Variants in DGKD observed in about 807,000 individuals in gnomAD.
DGKD encodes the protein DAG kinase delta.
In DGKD, 68 loss-of-function variants were observed where a neutral mutation model predicts 154.4. That is an observed-to-expected ratio of 0.44 (90% CI 0.36 to 0.54). DGKD has a LOEUF of 0.54. Ranked by LOEUF, DGKD falls within the 20% of genes least tolerant of loss-of-function variation. The pLI, the probability that DGKD is intolerant of heterozygous loss-of-function variation, is 0.00. For synonymous variants in DGKD, 693 were observed against 638.0 expected (o/e 1.09, Z -1.30); for missense variants, 1,343 against 1,593.6 (o/e 0.84, Z 2.68).
At position 233,438,237 on chromosome 2, in the gene DGKD, C is replaced by T; in HGVS notation, c.943C>T (p.Pro315Ser). ...DSDGFWKASC[P>S]PSCTSPLLVF... ...TCCAGGGTTCTGGAAGGCCAGCTGT[C>T]CTCCTTCTTGCACAAGCCCACTGTT... is the stretch of plus-strand genomic sequence containing the variant. Residue 315 changes from proline (P) to serine (S), a missense_variant, in exon 9 of 30, where the codon CCT becomes TCT. By Grantham distance (74) the Pro-to-Ser change is moderately conservative (BLOSUM62 -1). This residue lies in a region of DGKD where 332 missense variants were observed against 400.1 expected (regional missense o/e 0.83). Transcript: ENST00000264057. This position sits in a 1 kb window ranked among gnomAD's most constrained non-coding sequence, Gnocchi z 4.1. The T allele has an allele frequency of 6.2e-7, 1 of 1,614,084 alleles. No individual in the cohort carries two copies. The highest frequency in any genetic ancestry group is 8.5e-7 in the Non-Finnish European group (1 of 1,179,992).
At position 233,457,595 on chromosome 2, in the gene DGKD, G is replaced by A. The variant is rs2063500887; in HGVS notation, c.2580+267G>A. On this transcript the variant is annotated intron_variant, in intron 21 of 29. Coordinates refer to ENST00000264057, the MANE Select transcript of DGKD (RefSeq NM_152879.3). The surrounding 1 kb of genome is among the most constrained non-coding windows in gnomAD (Gnocchi z 5.5). ...GGTGTGACGTGGAAGGAGGGTCAGGGAAGGTGTCTGGGAGGCCAAGACCTG... is the reference window on the plus strand; with the variant it reads ...GGTGTGACGTGGAAGGAGGGTCAGGAAAGGTGTCTGGGAGGCCAAGACCTG... 1 of 585,954 alleles carries A rather than the reference G, an allele frequency of 1.7e-6. No individual in the cohort carries two copies. Among genetic ancestry groups the A allele is most frequent in the African/African-American group, 1.8e-5 (1 of 54,388 alleles). 36.3% of individuals were successfully genotyped at this position (585,954 alleles called of 1,614,324 possible). A position where few individuals can be genotyped will look rare whatever the true frequency, so the allele number is the denominator to read the frequency against.
At chr2:233,361,775 G>A (rs1701792487) in intron 1 of DGKD, among the ~76,000 whole-genome samples, 1 of 152,076 alleles carries the variant, frequency 6.6e-6, no homozygotes, top group South Asian at 2.1e-4. Flanking sequence ...GCAAGATCCC[G>A]CCTCTACTAA....
At chr2:233,456,823 G>A (rs1575160516) in intron 19 of DGKD, 76 bp from the exon 20 acceptor site, 1 of 1,136,070 alleles carries the variant, frequency 8.8e-7, no homozygotes, top group Non-Finnish European at 1.3e-6. Flanking sequence ...GCTGTTCCCA[G>A]CTTTCACAGA....
chr2:233,438,962 G>A lies in DGKD; in HGVS notation c.1085+583G>A, dbSNP rs114252592. 5.7e-3 allele frequency among the ~76,000 whole-genome samples: 867 copies of A among 152,376 alleles called. 10 individuals are homozygous for A. The highest frequency in any genetic ancestry group is 0.019 in the African/African-American group (810 of 41,588). On this transcript the variant is annotated intron_variant, in intron 9 of 29. Coordinates refer to ENST00000264057, the MANE Select transcript of DGKD (RefSeq NM_152879.3). The surrounding 1 kb of genome is among the most constrained non-coding windows in gnomAD (Gnocchi z 4.1). Reference sequence around the variant, plus strand: ...TGCAGGTGCTGCAAGGCAGGAACACGTAAGGGCGGCGTTGGGCCAGAGCGA... The same window carrying A: ...TGCAGGTGCTGCAAGGCAGGAACACATAAGGGCGGCGTTGGGCCAGAGCGA...
chr2:233,367,529 G>A (rs952749320), intron 1 of DGKD, among the ~76,000 whole-genome samples: 17 of 151,672 alleles, frequency 1.1e-4, no homozygotes, highest in Non-Finnish European at 1.2e-4. Flanking sequence ...GCACCCAGCT[G>A]TATTAATGAC....
chr2:233,390,559 A>C, intron 3 of DGKD, 76 bp downstream of exon 3: 1 of 1,100,168 alleles, frequency 9.1e-7, no homozygotes. Flanking sequence ...CATGTGTCCA[A>C]GCAGTTCAAA....
Position 233,388,291 on chromosome 2 carries a change from AC to A in DGKD, c.192del (p.Asn64LysfsTer35). On this transcript the variant is annotated frameshift_variant, in exon 2 of 30. Transcript: ENST00000264057. LOFTEE classifies it high-confidence loss of function. ...AAAGAGGGGATGCTGACCAAACAGA[AC>A]AATTCATTCCAGCGATCAAAAAGGA... Reference protein sequence around the residue: ...IIKEGMLTKQNNSFQRSKRRY... With the variant: ...IIKEGMLTKQXNSFQRSKRRY... The A allele has an allele frequency of 6.2e-7, 1 of 1,614,168 alleles. No individual in the cohort carries two copies. The highest frequency in any genetic ancestry group is 8.5e-7 in the Non-Finnish European group (1 of 1,180,026).
At chr2:233,411,690 GT>G (rs2061835205) in intron 3 of DGKD, among the ~76,000 whole-genome samples, 1 of 152,078 alleles carries the variant, frequency 6.6e-6, no homozygotes, top group African/African-American at 2.4e-5. Flanking sequence ...CAACTTATCA[GT>G]TTTTTAAATG....
intron 18 of DGKD, chr2:233,454,277 G>A (rs2063382858): frequency 4.6e-6 from 2 of 432,232 alleles, no homozygotes; most frequent in Admixed American, 5.6e-5. Context: ...CCACGCAGTG[G>A]AGTATTATTT....
Position 233,457,307 on chromosome 2 carries a change from G to T in DGKD, c.2559G>T (p.Trp853Cys), listed in dbSNP as rs373144975. ...IPSYAGGTNF[W>C]GGTKEDDTFA... The stretch of plus-strand genomic sequence containing the variant: ...GCTATGCCGGAGGAACCAACTTCTG[G>T]GGGGGTACCAAGGAAGATGATGTAT... The change falls in exon 21 of 30, where the codon TGG becomes TGT. Residue 853 changes from tryptophan (W) to cysteine (C), a missense_variant. Physicochemically the swap from Trp to Cys is radical, Grantham distance 215. Coordinates refer to ENST00000264057, the MANE Select transcript of DGKD (RefSeq NM_152879.3). This position sits in a 1 kb window ranked among gnomAD's most constrained non-coding sequence, Gnocchi z 5.5. 1.3e-6 allele frequency: 2 copies of T among 1,537,088 alleles called. No individual in the cohort carries two copies. The highest frequency in any genetic ancestry group is 1.8e-6 in the Non-Finnish European group (2 of 1,141,068).
At position 233,388,361 on chromosome 2, in the gene DGKD, G is replaced by A. The variant is rs370379069; in HGVS notation, c.261G>A (p.Thr87=). 275 of 1,612,598 alleles carry A rather than the reference G, an allele frequency of 1.7e-4. No homozygotes were observed. Among genetic ancestry groups the A allele is most frequent in the Non-Finnish European group, 2.3e-4 (269 of 1,179,396 alleles). ...GGCGAACGCTTTACTATGCCAAAACGGCAAAGGTGAGGCCCCATGCAGGAA... is the reference window on the plus strand; with the variant it reads ...GGCGAACGCTTTACTATGCCAAAACAGCAAAGGTGAGGCCCCATGCAGGAA... The part of the protein sequence containing the change: ...LRGRTLYYAK[T]AKSIIFDEVD... Residue 87 remains threonine, a synonymous_variant, in exon 2 of 30, where the codon ACG becomes ACA. Transcript: ENST00000264057.
intron 3 of DGKD, among the ~76,000 whole-genome samples, chr2:233,426,912 A>G (rs912681980): frequency 1.3e-5 from 2 of 152,152 alleles, no homozygotes; most frequent in Non-Finnish European, 2.9e-5. Flanking sequence ...TTCCCTGATG[A>G]CTAATCAAAT....
intron 1 of DGKD, among the ~76,000 whole-genome samples, chr2:233,359,243 C>T (rs1701668234): frequency 6.6e-6 from 1 of 152,162 alleles, no homozygotes; most frequent in Non-Finnish European, 1.5e-5. Context: ...ACGTGGTTTC[C>T]TCATCTGTAA....
chr2:233,376,460 T>A (rs1312662386), intron 1 of DGKD, among the ~76,000 whole-genome samples: 2 of 152,184 alleles, frequency 1.3e-5, no homozygotes, highest in African/African-American at 4.8e-5. Flanking sequence ...AAATACAGAT[T>A]CTACATAAGC....
At chr2:233,432,588 GGCGGAGTTTGCAGTGA>G (rs1433623838) in intron 3 of DGKD, among the ~76,000 whole-genome samples, 3 of 152,240 alleles carry the variant, frequency 2.0e-5, no homozygotes, top group Admixed American at 6.5e-5. Context: ...GAACCCAAGA[GGCGGAGTTTGCAGTGA>G]GCGGAGATTG....
chr2:233,437,507 C>G (rs369085595), intron 8 of DGKD, 28 bp downstream of exon 8: 4 of 1,595,742 alleles, frequency 2.5e-6, no homozygotes, highest in Admixed American at 1.7e-5. Context: ...TTATCCTTCT[C>G]ATGCACGCCC....
chr2:233,374,325 A>G (rs1364175875), intron 1 of DGKD, among the ~76,000 whole-genome samples: 1 of 149,234 alleles, frequency 6.7e-6, no homozygotes, highest in Non-Finnish European at 1.5e-5. Flanking sequence ...TGCTGGGATT[A>G]CAGGCGTGAG....
intron 1 of DGKD, among the ~76,000 whole-genome samples, chr2:233,369,617 A>G (rs1365306863): frequency 6.6e-6 from 1 of 151,836 alleles, no homozygotes; most frequent in African/African-American, 2.4e-5. Context: ...TTCTGATGTG[A>G]TGTTCCTTGA....
chr2:233,416,494 C>G (rs891729963), intron 3 of DGKD, among the ~76,000 whole-genome samples: 1 of 152,158 alleles, frequency 6.6e-6, no homozygotes, highest in South Asian at 2.1e-4. Context: ...TCAAGGGCTT[C>G]GGGTAGCTTA....
Sources: gnomAD v4.1 joint callset for allele counts (sites outside exome capture counted in the v4.1 genomes callset) on GRCh38, gnomAD v4.1.1 for gene constraint, gnomAD v4.1.1 regional missense constraint, Gnocchi (gnomAD v3.1) non-coding constraint, MANE v1.5 for transcripts, NCBI Gene and HGNC (gene_info 2026-07-23, HGNC 2026-07-21) for gene names.